LRMDA: variants seen among roughly 807,000 people sequenced by gnomAD.
LRMDA encodes the protein leucine-rich melanocyte differentiation-associated protein.
A neutral mutation model predicts 29.8 loss-of-function variants in LRMDA; 18 were observed. That is an observed-to-expected ratio of 0.60 (90% CI 0.42 to 0.90). LRMDA has a LOEUF of 0.90. Ranked by LOEUF, LRMDA falls within the 40% of genes least tolerant of loss-of-function variation. The pLI, the probability that LRMDA is intolerant of heterozygous loss-of-function variation, is 0.00. For missense variants in LRMDA, 273 were observed against 273.9 expected (o/e 1.00, Z 0.02); for synonymous variants, 125 against 109.4 (o/e 1.14, Z -0.89).
chr10:75,684,341 C>T (rs980334533), intron 2 of LRMDA, among the ~76,000 whole-genome samples: 1 of 152,192 alleles, frequency 6.6e-6, no homozygotes, highest in Non-Finnish European at 1.5e-5. Flanking sequence ...GTTGTTGTTA[C>T]ATCTTTCACG....
At chr10:75,636,905 A>G (rs1423727981) in intron 2 of LRMDA, among the ~76,000 whole-genome samples, 2 of 152,238 alleles carry the variant, frequency 1.3e-5, no homozygotes, top group Non-Finnish European at 2.9e-5. Context: ...TCTGAAAGAA[A>G]CAAAAACAGA....
rs973577925 is a variant in LRMDA, at chr10:76,303,859, C to T, written c.517-20542C>T. 7.9e-5 allele frequency among the ~76,000 whole-genome samples: 12 copies of T among 152,182 alleles called. No individual in the cohort carries two copies. In the East Asian group the frequency reaches 9.7e-4, roughly 12 times the overall value. ...AGGACCTGCCAGGCAGCGGCTAACA[C>T]GCTCGCTTTCATCTGCAGCTCGGGA... On this transcript the variant is annotated intron_variant, in intron 5 of 6. Coordinates refer to ENST00000611255, the MANE Select transcript of LRMDA (RefSeq NM_001305581.2).
At chr10:76,427,354 T>G (rs1211173804) in intron 6 of LRMDA, among the ~76,000 whole-genome samples, 1 of 152,088 alleles carries the variant, frequency 6.6e-6, no homozygotes, top group Non-Finnish European at 1.5e-5. Context: ...TATTTTATTC[T>G]CTTTGAAGCA....
intron 6 of LRMDA, among the ~76,000 whole-genome samples, chr10:76,339,557 C>T (rs2395373): frequency 0.9 from 137,256 of 151,950 alleles, 62,638 homozygotes; most frequent in Non-Finnish European, 0.96. Context: ...CCTAATGACA[C>T]ATGGAAGGAC....
intron 2 of LRMDA, among the ~76,000 whole-genome samples, chr10:76,026,815 A>G (rs1156487876): frequency 6.6e-6 from 1 of 152,210 alleles, no homozygotes. Context: ...TGGATAGAAT[A>G]TTAGAAGCCA....
intron 2 of LRMDA, among the ~76,000 whole-genome samples, chr10:75,513,984 T>C (rs1366405263): frequency 6.6e-6 from 1 of 152,174 alleles, no homozygotes; most frequent in Non-Finnish European, 1.5e-5. Flanking sequence ...CATGGACATA[T>C]TTCTCCTCGT....
intron 6 of LRMDA, among the ~76,000 whole-genome samples, chr10:76,533,815 T>C (rs1843262702): frequency 6.6e-6 from 1 of 152,226 alleles, no homozygotes; most frequent in African/African-American, 2.4e-5. Flanking sequence ...TATCCTGTAA[T>C]GTATATGCTC....
At chr10:75,547,168 C>T (rs896003772) in intron 2 of LRMDA, among the ~76,000 whole-genome samples, 1 of 152,130 alleles carries the variant, frequency 6.6e-6, no homozygotes, top group Non-Finnish European at 1.5e-5. Flanking sequence ...TCTATTTATT[C>T]ATCAGTGCAC....
At chr10:75,808,186 T>A (rs1761191199) in intron 2 of LRMDA, among the ~76,000 whole-genome samples, 1 of 152,150 alleles carries the variant, frequency 6.6e-6, no homozygotes, top group South Asian at 2.1e-4. Context: ...TCTGGAGAAA[T>A]ACATATGTGT....
chr10:75,848,030 T>A (rs1351141882), intron 2 of LRMDA, among the ~76,000 whole-genome samples: 1 of 152,186 alleles, frequency 6.6e-6, no homozygotes, highest in Non-Finnish European at 1.5e-5. Context: ...AAAAGTAGAA[T>A]TACCTTATGA....
intron 6 of LRMDA, among the ~76,000 whole-genome samples, chr10:76,478,985 C>T (rs1842708615): frequency 6.6e-6 from 1 of 151,726 alleles, no homozygotes; most frequent in Non-Finnish European, 1.5e-5. Context: ...CAACATGGCA[C>T]ATGTATACAG....
At chr10:75,685,025 C>A (rs924818485) in intron 2 of LRMDA, among the ~76,000 whole-genome samples, 1 of 152,152 alleles carries the variant, frequency 6.6e-6, no homozygotes, top group African/African-American at 2.4e-5. Context: ...TTCTTTTTCC[C>A]TTTTCAGTTT....
In LRMDA at chr10:75,763,934, C is replaced by A. The variant is rs184771328; in HGVS notation, c.132-272074C>A. The stretch of plus-strand genomic sequence containing the variant: ...GTGCAAACTGATGCTTTCCAAGAAG[C>A]CTTCTGTTTGAACATTTAGACTAGG... On this transcript the variant is annotated intron_variant, in intron 2 of 6. Coordinates refer to ENST00000611255, the MANE Select transcript of LRMDA (RefSeq NM_001305581.2). Among the ~76,000 whole-genome samples the A allele has an allele frequency of 2.0e-5, 3 of 152,120 alleles. No homozygotes were observed. In the South Asian group the frequency reaches 6.2e-4, roughly 31 times the overall value.
At chr10:76,049,111 G>T (rs1848489680) in intron 4 of LRMDA, among the ~76,000 whole-genome samples, 1 of 152,158 alleles carries the variant, frequency 6.6e-6, no homozygotes, top group Non-Finnish European at 1.5e-5. Context: ...AGTGCTGGTT[G>T]TGGGTCATGA....
At chr10:76,011,996 C>T (rs1035669160) in intron 2 of LRMDA, among the ~76,000 whole-genome samples, 10 of 152,058 alleles carry the variant, frequency 6.6e-5, no homozygotes, top group Admixed American at 2.0e-4. Context: ...TGAGGCTGGC[C>T]GTAGAACTCC....
chr10:76,045,014 A>T (rs1848408849), intron 3 of LRMDA, among the ~76,000 whole-genome samples: 1 of 125,304 alleles, frequency 8.0e-6, no homozygotes, highest in African/African-American at 3.2e-5. Context: ...CTCTCTTGCT[A>T]GTTTCCCCCT....
At chr10:75,505,769 G>T (rs1253854634) in intron 2 of LRMDA, among the ~76,000 whole-genome samples, 1 of 151,980 alleles carries the variant, frequency 6.6e-6, no homozygotes, top group African/African-American at 2.4e-5. Flanking sequence ...GCTCCTTTAG[G>T]TGAATTTTTA....
intron 5 of LRMDA, among the ~76,000 whole-genome samples, chr10:76,246,640 A>C (rs938498739): frequency 1.3e-5 from 2 of 152,186 alleles, no homozygotes; most frequent in African/African-American, 4.8e-5. Context: ...CACAGATAGG[A>C]GTGAGTACAG....
chr10:75,445,542 A>G (rs1192464720), intron 2 of LRMDA, among the ~76,000 whole-genome samples: 9 of 140,962 alleles, frequency 6.4e-5, no homozygotes, highest in Middle Eastern at 3.3e-3. Flanking sequence ...TTCCTTTGTT[A>G]ATTAGTAAAG....
Sources: allele counts gnomAD v4.1 joint callset (sites outside exome capture counted in the v4.1 genomes callset), GRCh38; gene constraint gnomAD v4.1.1; transcripts MANE v1.5; gene names NCBI Gene and HGNC (gene_info 2026-07-23, HGNC 2026-07-21).